CCDC178: variants seen among roughly 807,000 people sequenced by gnomAD.
The protein encoded by CCDC178 is coiled-coil domain-containing protein 178.
CCDC178 carries 126 observed loss-of-function variants against 117.4 expected under a neutral mutation model. That is an observed-to-expected ratio of 1.07 (90% confidence interval 0.93 to 1.24). The LOEUF is 1.24. CCDC178 is among the 50% of genes most tolerant of loss of function. The pLI, the probability that CCDC178 is intolerant of heterozygous loss-of-function variation, is 0.00. For missense variants in CCDC178, 1,030 were observed against 986.9 expected (o/e 1.04, Z -0.59); for synonymous variants, 283 against 313.4 (o/e 0.90, Z 1.02).
intron 21 of CCDC178, among the ~76,000 whole-genome samples, chr18:33,000,882 A>G (rs1168165576): frequency 6.6e-6 from 1 of 152,212 alleles, no homozygotes; most frequent in Non-Finnish European, 1.5e-5. Context: ...TGAAGTTGCA[A>G]AAGTTACTGA....
At chr18:33,182,251 T>C (rs535896519) in intron 20 of CCDC178, among the ~76,000 whole-genome samples, 1 of 151,954 alleles carries the variant, frequency 6.6e-6, no homozygotes, top group South Asian at 2.1e-4. Context: ...TGGAGAAATG[T>C]AGGGAAGTAT....
intron 21 of CCDC178, among the ~76,000 whole-genome samples, chr18:33,030,958 T>C (rs539771321): frequency 2.6e-5 from 4 of 152,200 alleles, no homozygotes; most frequent in African/African-American, 9.6e-5. Flanking sequence ...AGGTCAATGG[T>C]GTAACTCTCA....
chr18:33,311,195 C>CA (rs1423412343), intron 11 of CCDC178, among the ~76,000 whole-genome samples: 2 of 150,506 alleles, frequency 1.3e-5, no homozygotes, highest in Non-Finnish European at 3.0e-5. Flanking sequence ...CAAACAACAA[C>CA]AAAAAACTGT....
At chr18:33,182,688 C>T (rs2058745253) in intron 20 of CCDC178, among the ~76,000 whole-genome samples, 1 of 151,852 alleles carries the variant, frequency 6.6e-6, no homozygotes, top group Non-Finnish European at 1.5e-5. Flanking sequence ...ATTAATTTTA[C>T]ATTTAGTTAT....
chr18:33,018,992 C>A (rs1319525271), intron 21 of CCDC178, among the ~76,000 whole-genome samples: 2 of 152,000 alleles, frequency 1.3e-5, no homozygotes, highest in Admixed American at 1.3e-4. Context: ...ACTTCTCTAC[C>A]AATAAAACAT....
chr18:33,394,943 G>GTATATATATATATATATATATA (rs61298209), intron 4 of CCDC178, among the ~76,000 whole-genome samples: 2 of 61,498 alleles, frequency 3.3e-5, no homozygotes, highest in African/African-American at 6.0e-5. Flanking sequence ...ATATGTATGT[G>GTATATATATATATATATATATA]TATATATATA....
chr18:32,943,018 T>G (rs2054274101), intron 22 of CCDC178, among the ~76,000 whole-genome samples: 1 of 152,140 alleles, frequency 6.6e-6, no homozygotes, highest in Admixed American at 6.6e-5. Flanking sequence ...AAAAAGTAAG[T>G]TAGAAATTCA....
intron 14 of CCDC178, among the ~76,000 whole-genome samples, chr18:33,264,521 G>A (rs2059791064): frequency 6.6e-6 from 1 of 151,804 alleles, no homozygotes. Context: ...TTAATTCCTG[G>A]TAAAAATTGG....
At chr18:33,149,344 C>T (rs1438126089) in intron 20 of CCDC178, among the ~76,000 whole-genome samples, 5 of 152,064 alleles carry the variant, frequency 3.3e-5, no homozygotes, top group Admixed American at 1.3e-4. Context: ...CAATTTGTAC[C>T]CCAAATTCCA....
At chr18:32,964,142 C>G (rs2054763519) in intron 22 of CCDC178, among the ~76,000 whole-genome samples, 2 of 151,944 alleles carry the variant, frequency 1.3e-5, no homozygotes, top group African/African-American at 4.8e-5. Context: ...AATTTTCTGA[C>G]TCTAACTTTT....
intron 12 of CCDC178, among the ~76,000 whole-genome samples, chr18:33,286,409 T>C (rs1181685779): frequency 4.6e-5 from 7 of 152,232 alleles, no homozygotes; most frequent in Admixed American, 6.5e-5. Flanking sequence ...TAATAGCTTT[T>C]TGTCTGTTAG....
intron 2 of CCDC178, among the ~76,000 whole-genome samples, chr18:33,429,372 CAGACAG>C (rs1713555525): frequency 6.7e-6 from 1 of 149,748 alleles, no homozygotes; most frequent in Admixed American, 6.7e-5. Context: ...GAGAGAGAGA[CAGACAG>C]AGAGAGAGAG....
chr18:33,435,570 T>C (rs1032960032), intron 2 of CCDC178, among the ~76,000 whole-genome samples: 1 of 150,054 alleles, frequency 6.7e-6, no homozygotes, highest in African/African-American at 2.4e-5. Context: ...ACAGTAACAC[T>C]ACAGAGAGAG....
At chr18:33,382,300 T>C (rs1209125207) in intron 5 of CCDC178, among the ~76,000 whole-genome samples, 1 of 152,166 alleles carries the variant, frequency 6.6e-6, no homozygotes, top group Non-Finnish European at 1.5e-5. Flanking sequence ...CATTGAGTGT[T>C]AGAAACACTT....
At chr18:33,136,328 A>ATC (rs1368550033) in intron 20 of CCDC178, among the ~76,000 whole-genome samples, 1 of 152,176 alleles carries the variant, frequency 6.6e-6, no homozygotes, top group Non-Finnish European at 1.5e-5. Context: ...GACTGCCTTG[A>ATC]TAAGTATGGA....
intron 8 of CCDC178, 54 bp downstream of exon 8, chr18:33,348,836 A>T: frequency 9.5e-7 from 1 of 1,053,876 alleles, no homozygotes; most frequent in Non-Finnish European, 1.5e-6. Flanking sequence ...TATTAAATGA[A>T]GTCAATGAAC....
chr18:33,330,972 T>A (rs1313538683), intron 10 of CCDC178, among the ~76,000 whole-genome samples: 1 of 150,312 alleles, frequency 6.7e-6, no homozygotes, highest in Admixed American at 6.7e-5. Context: ...GCCCCATAAG[T>A]TGACAATTAA....
At chr18:33,232,166 C>A (rs1341207269) in intron 15 of CCDC178, among the ~76,000 whole-genome samples, 1 of 152,108 alleles carries the variant, frequency 6.6e-6, no homozygotes, top group African/African-American at 2.4e-5. Flanking sequence ...AGGGCACATT[C>A]AACAGTCACC....
chr18:33,026,629 G>A (rs1166890293), intron 21 of CCDC178, among the ~76,000 whole-genome samples: 11 of 151,826 alleles, frequency 7.2e-5, no homozygotes. Context: ...AGAAGAAAAA[G>A]TATATTACGT....
Sources: allele counts gnomAD v4.1 joint callset (sites outside exome capture counted in the v4.1 genomes callset), GRCh38; gene constraint gnomAD v4.1.1; transcripts MANE v1.5; gene names NCBI Gene and HGNC (gene_info 2026-07-23, HGNC 2026-07-21).